KCND2: variants seen among roughly 807,000 people sequenced by gnomAD.
KCND2 encodes the protein A-type voltage-gated potassium channel KCND2.
In KCND2, 16 loss-of-function variants were observed where a neutral mutation model predicts 54.4. That is an observed-to-expected ratio of 0.29 (90% CI 0.20 to 0.45). The LOEUF (loss-of-function observed/expected upper bound fraction) is 0.45, where lower values mean the gene tolerates loss of function less well. Among genes scored for constraint, KCND2 ranks in the 20% least tolerant of loss-of-function variants. The probability of loss-of-function intolerance (pLI) is 1.00; values close to 1 mark genes in which losing one functional copy is unlikely to be tolerated. For synonymous variants in KCND2, 317 were observed against 310.7 expected (o/e 1.02, Z -0.21); for missense variants, 486 against 824.2 (o/e 0.59, Z 5.02).
At chr7:120,281,388 T>C (rs1019243229) in intron 1 of KCND2, among the ~76,000 whole-genome samples, 1 of 151,212 alleles carries the variant, frequency 6.6e-6, no homozygotes, top group African/African-American at 2.4e-5. Context: ...CACTAGCTTC[T>C]GCAGCTAGAT....
At chr7:120,587,622 T>A (rs754993198) in intron 1 of KCND2, among the ~76,000 whole-genome samples, 19 of 152,178 alleles carry the variant, frequency 1.2e-4, no homozygotes, top group Non-Finnish European at 2.6e-4. Context: ...CCTTTCTCTT[T>A]CAACATTTCT....
intron 1 of KCND2, among the ~76,000 whole-genome samples, chr7:120,427,694 A>G (rs935561742): frequency 1.3e-5 from 2 of 152,232 alleles, no homozygotes; most frequent in African/African-American, 4.8e-5. Context: ...TCAAGGAATT[A>G]TTTAATTCTA....
intron 1 of KCND2, among the ~76,000 whole-genome samples, chr7:120,477,475 A>T (rs547700354): frequency 1.8e-4 from 27 of 152,170 alleles, no homozygotes; most frequent in Non-Finnish European, 3.5e-4. Context: ...TCTAAAGAAA[A>T]AATTCTGAAT....
At chr7:120,685,639 T>A (rs1171065038) in intron 1 of KCND2, among the ~76,000 whole-genome samples, 1 of 152,156 alleles carries the variant, frequency 6.6e-6, no homozygotes, top group African/African-American at 2.4e-5. Context: ...AACTACATAT[T>A]TGCTATCACA....
At chr7:120,323,333 A>G (rs1476639066) in intron 1 of KCND2, among the ~76,000 whole-genome samples, 2 of 152,154 alleles carry the variant, frequency 1.3e-5, no homozygotes, top group Non-Finnish European at 2.9e-5. Context: ...GTTTTAGGGT[A>G]CATGAGCACA....
At chr7:120,293,002 C>T (rs1799457389) in intron 1 of KCND2, among the ~76,000 whole-genome samples, 1 of 151,828 alleles carries the variant, frequency 6.6e-6, no homozygotes, top group Non-Finnish European at 1.5e-5. Context: ...AGTGCATTGA[C>T]TCGTATGGGT....
intron 1 of KCND2, among the ~76,000 whole-genome samples, chr7:120,368,513 G>C (rs1032130348): frequency 1.3e-5 from 2 of 152,028 alleles, no homozygotes; most frequent in Non-Finnish European, 1.5e-5. Context: ...CATTCTAAAA[G>C]TGACTTTTCT....
intron 1 of KCND2, among the ~76,000 whole-genome samples, chr7:120,568,654 T>G (rs1792327497): frequency 6.6e-6 from 1 of 152,136 alleles, no homozygotes; most frequent in African/African-American, 2.4e-5. Flanking sequence ...GCATGGGTTC[T>G]GAGCCAGACT....
rs569874053 is a variant in KCND2, at chr7:120,701,156, G to A, written c.1116-31747G>A. 5.0e-5 allele frequency among the ~76,000 whole-genome samples: 7 copies of A among 139,898 alleles called. No individual in the cohort carries two copies. In the East Asian group the frequency reaches 1.3e-3, roughly 26 times the overall value. 91.8% of individuals were successfully genotyped at this position (139,898 alleles called of 152,430 possible). A position where few individuals can be genotyped will look rare whatever the true frequency, so the allele number is the denominator to read the frequency against. ...CACAAAAGTTCTTTTCAACATTTCT[G>A]CATATATTTCACTGGCCAGAGCTTA... On this transcript the variant is annotated intron_variant, in intron 1 of 5. Coordinates refer to ENST00000331113, the MANE Select transcript of KCND2 (RefSeq NM_012281.3).
intron 1 of KCND2, among the ~76,000 whole-genome samples, chr7:120,537,790 C>T (rs1467739016): frequency 2.0e-5 from 3 of 152,196 alleles, no homozygotes; most frequent in Admixed American, 2.0e-4. Context: ...TCACCTCTCT[C>T]AGGCTTCAAA....
chr7:120,677,548 G>T (rs12538578), intron 1 of KCND2, among the ~76,000 whole-genome samples: 8 of 122,702 alleles, frequency 6.5e-5, no homozygotes, highest in South Asian at 5.1e-4. Context: ...TATAGATATA[G>T]ATATATAGAT....
chr7:120,510,393 G>T (rs544052521), intron 1 of KCND2, among the ~76,000 whole-genome samples: 2 of 152,168 alleles, frequency 1.3e-5, no homozygotes, highest in East Asian at 3.9e-4. Flanking sequence ...CCTGTAGTCT[G>T]ACTTCAAATT....
At chr7:120,694,786 C>G (rs566966328) in intron 1 of KCND2, among the ~76,000 whole-genome samples, 94 of 152,278 alleles carry the variant, frequency 6.2e-4, no homozygotes, top group Admixed American at 2.0e-3. Flanking sequence ...ACTACCACTA[C>G]TCCCTAAACC....
chr7:120,587,819 T>C (rs748403584), intron 1 of KCND2, among the ~76,000 whole-genome samples: 6 of 152,186 alleles, frequency 3.9e-5, no homozygotes, highest in Non-Finnish European at 8.8e-5. Context: ...TTTGCTTTAA[T>C]TTTTAGTGTT....
intron 1 of KCND2, among the ~76,000 whole-genome samples, chr7:120,410,131 G>A (rs1170491543): frequency 6.6e-6 from 1 of 151,872 alleles, no homozygotes; most frequent in Non-Finnish European, 1.5e-5. Context: ...TGTAGTGACA[G>A]TTGTTGAAAA....
chr7:120,418,560 T>G (rs1264576212), intron 1 of KCND2, among the ~76,000 whole-genome samples: 2 of 152,076 alleles, frequency 1.3e-5, no homozygotes, highest in Non-Finnish European at 2.9e-5. Context: ...AAATACTCAT[T>G]ACTCAGATGA....
intron 1 of KCND2, among the ~76,000 whole-genome samples, chr7:120,430,435 A>G: frequency 6.6e-6 from 1 of 152,174 alleles, no homozygotes; most frequent in East Asian, 1.9e-4. Context: ...CCTGGCCAAC[A>G]TGGTGAAACC....
chr7:120,677,473 G>T (rs774007007), intron 1 of KCND2, among the ~76,000 whole-genome samples: 2 of 151,390 alleles, frequency 1.3e-5, no homozygotes, highest in African/African-American at 2.4e-5. Context: ...AGGTGGATCT[G>T]CTGTTAAGTT....
intron 1 of KCND2, among the ~76,000 whole-genome samples, chr7:120,525,104 T>G (rs1791756992): frequency 6.6e-6 from 1 of 152,208 alleles, no homozygotes; most frequent in South Asian, 2.1e-4. Flanking sequence ...CTGCCAGTGT[T>G]CCTATCATTG....
Sources: gnomAD v4.1 joint callset for allele counts (sites outside exome capture counted in the v4.1 genomes callset) on GRCh38, gnomAD v4.1.1 for gene constraint, MANE v1.5 for transcripts, NCBI Gene and HGNC (gene_info 2026-07-23, HGNC 2026-07-21) for gene names.